The following LINGO2 variants were observed in gnomAD, a reference collection of about 807,000 sequenced individuals.
The protein encoded by LINGO2 is leucine rich repeat and Ig domain containing 2.
In LINGO2, 14 loss-of-function variants were observed where a neutral mutation model predicts 30.6. The observed-to-expected ratio is 0.46, with a 90% CI of 0.30 to 0.72. The LOEUF is 0.72. LINGO2 is among the 30% of genes least tolerant of loss of function. The probability of loss-of-function intolerance (pLI) is 0.07; values close to 1 mark genes in which losing one functional copy is unlikely to be tolerated. For missense variants in LINGO2, 729 were observed against 751.7 expected (o/e 0.97, Z 0.35); for synonymous variants, 317 against 288.5 (o/e 1.10, Z -1.00).
At chr9:27,966,147 C>A (rs1027997414) in intron 5 of LINGO2, among the ~76,000 whole-genome samples, 1 of 151,998 alleles carries the variant, frequency 6.6e-6, no homozygotes, top group Non-Finnish European at 1.5e-5. Context: ...GAAGGAAGTA[C>A]TGAAAACCCT....
intron 2 of LINGO2, among the ~76,000 whole-genome samples, chr9:28,379,569 A>G (rs1159745188): frequency 2.6e-5 from 4 of 152,076 alleles, no homozygotes; most frequent in African/African-American, 9.7e-5. Flanking sequence ...CCTAATACAG[A>G]ATGGTTTAGG....
intron 3 of LINGO2, among the ~76,000 whole-genome samples, chr9:28,357,715 GA>G (rs1328689760): frequency 6.6e-6 from 1 of 152,004 alleles, no homozygotes; most frequent in Non-Finnish European, 1.5e-5. Flanking sequence ...GTATTCTATA[GA>G]ATCACTAACA....
chr9:27,959,833 TC>T (rs1819748262), intron 5 of LINGO2, among the ~76,000 whole-genome samples: 1 of 152,206 alleles, frequency 6.6e-6, no homozygotes, highest in African/African-American at 2.4e-5. Flanking sequence ...ATGAATTTTT[TC>T]TAAGTTATGT....
At chr9:28,160,772 A>G (rs1406931092) in intron 4 of LINGO2, among the ~76,000 whole-genome samples, 1 of 152,216 alleles carries the variant, frequency 6.6e-6, no homozygotes. Flanking sequence ...AATAGTTTCT[A>G]GATAAATGAA....
chr9:29,076,039 T>C, the LINGO2 span, among the ~76,000 whole-genome samples: 1 of 151,992 alleles, frequency 6.6e-6, no homozygotes, highest in Non-Finnish European at 1.5e-5. Flanking sequence ...TGATTTTTTT[T>C]TTTTAATTTT....
chr9:28,131,353 A>G (rs970196836), intron 4 of LINGO2, among the ~76,000 whole-genome samples: 15 of 152,010 alleles, frequency 9.9e-5, no homozygotes, highest in African/African-American at 3.4e-4. Context: ...TTAAAATCCT[A>G]CTGCATTTTC....
intron 4 of LINGO2, among the ~76,000 whole-genome samples, chr9:28,209,699 G>A (rs1272523867): frequency 6.6e-6 from 1 of 151,628 alleles, no homozygotes; most frequent in South Asian, 2.1e-4. Context: ...CATTTTCTAT[G>A]TTGAAAGAGT....
At chr9:28,878,304 C>T in the LINGO2 span, among the ~76,000 whole-genome samples, 58,930 of 151,686 alleles carry the variant, frequency 0.39, 12,837 homozygotes, top group African/African-American at 0.6. Flanking sequence ...GTTGAATCTC[C>T]GAATAGACCA....
intron 5 of LINGO2, among the ~76,000 whole-genome samples, chr9:27,987,030 C>T (rs775961916): frequency 6.6e-6 from 1 of 151,312 alleles, no homozygotes; most frequent in Non-Finnish European, 1.5e-5. Flanking sequence ...CACTTATGGT[C>T]GACTTTTTTT....
chr9:27,996,560 C>T (rs1171960950), intron 5 of LINGO2, among the ~76,000 whole-genome samples: 2 of 152,122 alleles, frequency 1.3e-5, no homozygotes, highest in East Asian at 3.9e-4. Flanking sequence ...TGCAAATTAT[C>T]TCATGGAGGT....
chr9:28,864,401 A>G, the LINGO2 span, among the ~76,000 whole-genome samples: 1 of 152,148 alleles, frequency 6.6e-6, no homozygotes, highest in Admixed American at 6.6e-5. Context: ...AAACCACACC[A>G]ATAAAAAATG....
At chr9:29,034,470 C>G in the LINGO2 span, among the ~76,000 whole-genome samples, 1 of 152,124 alleles carries the variant, frequency 6.6e-6, no homozygotes, top group African/African-American at 2.4e-5. Flanking sequence ...TTTGAGCTTG[C>G]AAAGCACAGC....
chr9:28,308,973 C>A (rs1309249456), intron 3 of LINGO2, among the ~76,000 whole-genome samples: 1 of 152,128 alleles, frequency 6.6e-6, no homozygotes, highest in Admixed American at 6.5e-5. Flanking sequence ...AACACTTTTA[C>A]ACTGTTGGTG....
At chr9:29,084,675 A>C in the LINGO2 span, among the ~76,000 whole-genome samples, 9 of 151,976 alleles carry the variant, frequency 5.9e-5, no homozygotes, top group Non-Finnish European at 1.2e-4. Context: ...CTCTCTTAGA[A>C]AGCCCTTCTC....
At chr9:29,047,176 C>A in the LINGO2 span, among the ~76,000 whole-genome samples, 1 of 151,950 alleles carries the variant, frequency 6.6e-6, no homozygotes, top group South Asian at 2.1e-4. Context: ...GGTCTAATAT[C>A]CAACATCTAT....
chr9:28,229,310 T>A (rs1008114331), intron 4 of LINGO2, among the ~76,000 whole-genome samples: 3 of 151,798 alleles, frequency 2.0e-5, no homozygotes, highest in African/African-American at 7.2e-5. Flanking sequence ...AAAACAAAAA[T>A]ACCTTGGGCT....
chr9:27,995,414 G>C (rs1211898425), intron 5 of LINGO2, among the ~76,000 whole-genome samples: 3 of 152,068 alleles, frequency 2.0e-5, no homozygotes, highest in African/African-American at 7.2e-5. Context: ...ACCCAAACCA[G>C]ACAAAGACGA....
At chr9:28,230,448 T>TATTACAG (rs1419810959) in intron 4 of LINGO2, among the ~76,000 whole-genome samples, 1 of 151,874 alleles carries the variant, frequency 6.6e-6, no homozygotes, top group Non-Finnish European at 1.5e-5. Flanking sequence ...GGCTTAATAG[T>TATTACAG]TTATGTTTCA....
At chr9:28,172,454 A>C (rs1828630685) in intron 4 of LINGO2, among the ~76,000 whole-genome samples, 1 of 152,192 alleles carries the variant, frequency 6.6e-6, no homozygotes, top group South Asian at 2.1e-4. Context: ...TATCTCACTG[A>C]ATCCACCTAA....
Sources: gnomAD v4.1 joint callset for allele counts (sites outside exome capture counted in the v4.1 genomes callset) on GRCh38, gnomAD v4.1.1 for gene constraint, MANE v1.5 for transcripts, NCBI Gene and HGNC (gene_info 2026-07-23, HGNC 2026-07-21) for gene names.